SPMIP2: variants seen among roughly 807,000 people sequenced by gnomAD.
The protein encoded by SPMIP2 is protein SPMIP2.
chr4:159,042,008 C>A, the SPMIP2 span, among the ~76,000 whole-genome samples: 3 of 152,294 alleles, frequency 2.0e-5, no homozygotes, highest in Non-Finnish European at 4.4e-5. Context: ...TAAATTTGAT[C>A]TTCAACAAAC....
At chr4:158,998,709 C>T in the SPMIP2 span, among the ~76,000 whole-genome samples, 6 of 152,136 alleles carry the variant, frequency 3.9e-5, no homozygotes, top group African/African-American at 7.2e-5. Context: ...GTAAGAATCG[C>T]GCCGGTTTTA....
At chr4:158,947,782 C>G in the SPMIP2 span, among the ~76,000 whole-genome samples, 1 of 151,990 alleles carries the variant, frequency 6.6e-6, no homozygotes, top group Non-Finnish European at 1.5e-5. Flanking sequence ...TGTGTAATAT[C>G]TAACTAATAA....
At chr4:158,960,471 TAAA>T in the SPMIP2 span, 5 of 562,974 alleles carry the variant, frequency 8.9e-6, no homozygotes, top group Non-Finnish European at 1.6e-5. Context: ...TAAATTCAGT[TAAA>T]AGAAGATCAG....
the SPMIP2 span, among the ~76,000 whole-genome samples, chr4:158,981,222 A>G: frequency 6.6e-6 from 1 of 152,204 alleles, no homozygotes; most frequent in African/African-American, 2.4e-5. Context: ...GACCAAACCT[A>G]TGTTTGCTTG....
chr4:158,893,725 A>G, the SPMIP2 span: 1 of 1,572,096 alleles, frequency 6.4e-7, no homozygotes, highest in South Asian at 1.2e-5. Context: ...TTTCTGTAAG[A>G]GAAGTAATGT....
the SPMIP2 span, among the ~76,000 whole-genome samples, chr4:158,982,591 C>T: frequency 6.6e-6 from 1 of 152,142 alleles, no homozygotes; most frequent in African/African-American, 2.4e-5. Flanking sequence ...GCACAACTAC[C>T]TGGAAACTGA....
the SPMIP2 span, among the ~76,000 whole-genome samples, chr4:159,022,586 C>T: frequency 6.6e-6 from 1 of 151,940 alleles, no homozygotes; most frequent in Admixed American, 6.6e-5. Flanking sequence ...GCTCCTAGGC[C>T]CCAAAAAACA....
At chr4:158,962,077 A>G in the SPMIP2 span, among the ~76,000 whole-genome samples, 8 of 152,308 alleles carry the variant, frequency 5.3e-5, no homozygotes, top group South Asian at 8.3e-4. Context: ...CAATCTTCAA[A>G]TAAGTCTGTT....
chr4:158,983,036 C>G, the SPMIP2 span, among the ~76,000 whole-genome samples: 1 of 151,908 alleles, frequency 6.6e-6, no homozygotes, highest in Non-Finnish European at 1.5e-5. Flanking sequence ...GGAGCCGATG[C>G]GATCAACTGG....
At chr4:159,000,320 TC>T in the SPMIP2 span, among the ~76,000 whole-genome samples, 1 of 152,172 alleles carries the variant, frequency 6.6e-6, no homozygotes, top group East Asian at 1.9e-4. Context: ...AACAGCTCTA[TC>T]CATGGATTCT....
chr4:158,926,272 G>GT, the SPMIP2 span, among the ~76,000 whole-genome samples: 1 of 151,098 alleles, frequency 6.6e-6, no homozygotes, highest in Non-Finnish European at 1.5e-5. Flanking sequence ...TTTTTAAGGT[G>GT]TAAGGTTAGG....
chr4:158,910,055 A>C, the SPMIP2 span, among the ~76,000 whole-genome samples: 1 of 151,690 alleles, frequency 6.6e-6, no homozygotes, highest in East Asian at 2.0e-4. Context: ...AAAACAAAAA[A>C]AAATTTGTAG....
chr4:159,050,922 C>T, the SPMIP2 span, among the ~76,000 whole-genome samples: 1 of 152,006 alleles, frequency 6.6e-6, no homozygotes, highest in African/African-American at 2.4e-5. Context: ...TCCTGGCCAA[C>T]ATGGTGAAAC....
chr4:159,018,455 G>T, the SPMIP2 span, among the ~76,000 whole-genome samples: 1 of 152,142 alleles, frequency 6.6e-6, no homozygotes, highest in Non-Finnish European at 1.5e-5. Context: ...GTCCAGCTAA[G>T]GCACTATGTT....
At chr4:158,902,150 G>C in the SPMIP2 span, among the ~76,000 whole-genome samples, 2 of 152,016 alleles carry the variant, frequency 1.3e-5, no homozygotes, top group African/African-American at 4.8e-5. Context: ...TTTTACGTTG[G>C]TGACCTTCGG....
chr4:158,991,583 C>T, the SPMIP2 span, among the ~76,000 whole-genome samples: 3 of 152,158 alleles, frequency 2.0e-5, no homozygotes, highest in African/African-American at 7.2e-5. Flanking sequence ...CATCACTCCC[C>T]GTGAAAATTG....
chr4:158,960,613 C>T, the SPMIP2 span, among the ~76,000 whole-genome samples: 3 of 152,082 alleles, frequency 2.0e-5, no homozygotes, highest in African/African-American at 7.2e-5. Context: ...GAGTGTGATG[C>T]GTCATCACTA....
the SPMIP2 span, among the ~76,000 whole-genome samples, chr4:158,910,555 G>A: frequency 2.0e-5 from 3 of 152,336 alleles, no homozygotes; most frequent in South Asian, 2.1e-4. Context: ...TTACAGGCAT[G>A]AGCCACCACT....
chr4:158,944,070 G>T, the SPMIP2 span, among the ~76,000 whole-genome samples: 16 of 151,874 alleles, frequency 1.1e-4, no homozygotes, highest in African/African-American at 3.6e-4. Flanking sequence ...TGGCCAGGAT[G>T]GTCTCAATCC....
Sources: allele counts gnomAD v4.1 joint callset (sites outside exome capture counted in the v4.1 genomes callset), GRCh38; gene constraint gnomAD v4.1.1; transcripts MANE v1.5; gene names NCBI Gene and HGNC (gene_info 2026-07-23, HGNC 2026-07-21).